The following ZNF469 variants were observed in gnomAD, a reference collection of about 807,000 sequenced individuals.
The protein encoded by ZNF469 is zinc finger protein 469.
Under a neutral mutation model 1.0 loss-of-function variants are expected in ZNF469, and 1 was observed. The ratio of observed to expected loss-of-function variants is 1.00; its 90% confidence interval spans 0.35 to 4.73. The LOEUF (loss-of-function observed/expected upper bound fraction) is 4.73. Among genes scored for constraint, ZNF469 ranks in the 30% most tolerant of loss-of-function variants. ZNF469 has a pLI of 0.16. For synonymous variants in ZNF469, 2,703 were observed against 2,363.4 expected (o/e 1.14, Z -4.17); for missense variants, 6,100 against 5,356.3 (o/e 1.14, Z -4.33).
At chr16:88,367,442 G>C in the ZNF469 span, among the ~76,000 whole-genome samples, 1 of 152,234 alleles carries the variant, frequency 6.6e-6, no homozygotes, top group Non-Finnish European at 1.5e-5. Flanking sequence ...CCCTGCCCCA[G>C]GATAGCTGAT....
chr16:88,206,509 T>C, the ZNF469 span, among the ~76,000 whole-genome samples: 32 of 152,228 alleles, frequency 2.1e-4, no homozygotes, highest in African/African-American at 7.2e-4. Flanking sequence ...TGTTACCAGA[T>C]CCACGGACCT....
At position 88,429,363 on chromosome 16, in the gene ZNF469, C is replaced by T. The variant is rs925903980; in HGVS notation, c.1893C>T (p.Pro631=). The T allele has an allele frequency of 5.8e-6, 9 of 1,549,702 alleles. No homozygotes were observed. The Admixed American group carries it at 1.8e-4, about 30-fold the overall frequency. The change falls in exon 3 of 3, where the codon CCC becomes CCT. Residue 631 remains proline (P), a synonymous_variant. Coordinates refer to ENST00000565624, the MANE Select transcript of ZNF469 (RefSeq NM_001367624.2). The part of the protein sequence containing the change: ...EESQLPGPLG[P]SAFFHPPTHP... ...GCCAGCTCCCCGGCCCCCTCGGGCC[C>T]TCGGCCTTCTTCCACCCACCCACTC...
the ZNF469 span, among the ~76,000 whole-genome samples, chr16:88,328,567 A>T: frequency 6.6e-6 from 1 of 152,192 alleles, no homozygotes; most frequent in Non-Finnish European, 1.5e-5. Context: ...CTGGCCTGAC[A>T]TGGATCTTTG....
chr16:88,435,036 G>C lies in ZNF469; in HGVS notation c.7566G>C (p.Lys2522Asn). The C allele has an allele frequency of 6.4e-7, 1 of 1,550,390 alleles. No individual in the cohort carries two copies. Among genetic ancestry groups the C allele is most frequent in the South Asian group, 1.2e-5 (1 of 84,064 alleles). The change falls in exon 3 of 3, where the codon AAG becomes AAC. Residue 2522 changes from lysine to asparagine, a missense_variant. Transcript: ENST00000565624. ...AGCCTCTAGAGCCCCTAGCCCAAAA[G>C]TGCCAGCCGCCCAGGAAGAAAAGCC... is the stretch of plus-strand genomic sequence containing the variant. Reference protein sequence around the residue: ...AQQPLEPLAQKCQPPRKKSHR... With the variant: ...AQQPLEPLAQNCQPPRKKSHR...
At chr16:88,287,545 G>A in the ZNF469 span, among the ~76,000 whole-genome samples, 5 of 152,202 alleles carry the variant, frequency 3.3e-5, no homozygotes, top group African/African-American at 1.2e-4. Flanking sequence ...ATCCCATGCT[G>A]GCAAAACTGT....
chr16:88,363,523 T>G, the ZNF469 span, among the ~76,000 whole-genome samples: 2 of 152,082 alleles, frequency 1.3e-5, no homozygotes, highest in Non-Finnish European at 2.9e-5. Context: ...CTTGGGGGAG[T>G]CAGCCAGATG....
the ZNF469 span, among the ~76,000 whole-genome samples, chr16:88,142,901 G>A: frequency 2.0e-5 from 3 of 152,182 alleles, no homozygotes; most frequent in African/African-American, 4.8e-5. Flanking sequence ...CACCCTCCAC[G>A]CACAGGGGCC....
At chr16:88,248,301 C>G in the ZNF469 span, among the ~76,000 whole-genome samples, 1 of 152,186 alleles carries the variant, frequency 6.6e-6, no homozygotes, top group South Asian at 2.1e-4. Context: ...CCTGATAGGA[C>G]CAAGCGTGAA....
At position 88,429,683 on chromosome 16, in the gene ZNF469, G is replaced by A. The variant is rs780848959; in HGVS notation, c.2213G>A (p.Arg738His). 1.3e-5 allele frequency: 20 copies of A among 1,541,806 alleles called. No individual in the cohort carries two copies. Among genetic ancestry groups the A allele is most frequent in the African/African-American group, 4.1e-5 (3 of 72,880 alleles). Reference sequence around the variant, plus strand: ...CTGCTGACCTGCAGGCAGTGTGACCGCAACTACAGCAGCCTGGCGGCCTTC... The same window carrying A: ...CTGCTGACCTGCAGGCAGTGTGACCACAACTACAGCAGCCTGGCGGCCTTC... ...DVLLTCRQCDRNYSSLAAFLA... is the reference protein window; with the variant it reads ...DVLLTCRQCDHNYSSLAAFLA... The change falls in exon 3 of 3, where the codon CGC (arginine) becomes CAC (histidine). Residue 738 changes from arginine (R) to histidine (H), a missense_variant. Arg to His is a conservative substitution (Grantham distance 29). Transcript: ENST00000565624.
At chr16:88,150,820 C>G in the ZNF469 span, among the ~76,000 whole-genome samples, 1 of 152,016 alleles carries the variant, frequency 6.6e-6, no homozygotes, top group Non-Finnish European at 1.5e-5. Flanking sequence ...ACTGGCCCGG[C>G]CGTAGAAGCG....
At chr16:88,207,836 A>G in the ZNF469 span, among the ~76,000 whole-genome samples, 1 of 151,326 alleles carries the variant, frequency 6.6e-6, no homozygotes, top group Non-Finnish European at 1.5e-5. Flanking sequence ...GGCGCCCTGG[A>G]TAAGCCACAT....
the ZNF469 span, among the ~76,000 whole-genome samples, chr16:88,219,307 C>G: frequency 6.9e-6 from 1 of 145,770 alleles, no homozygotes; most frequent in Admixed American, 6.9e-5. Context: ...GCCCGCATTG[C>G]CAAGTCAATC....
At chr16:88,251,451 G>C in the ZNF469 span, among the ~76,000 whole-genome samples, 3 of 144,952 alleles carry the variant, frequency 2.1e-5, no homozygotes, top group Admixed American at 7.1e-5. Flanking sequence ...GAAGATTGTT[G>C]CTTTTTTTGT....
At chr16:88,272,077 A>T in the ZNF469 span, among the ~76,000 whole-genome samples, 1 of 151,482 alleles carries the variant, frequency 6.6e-6, no homozygotes, top group East Asian at 1.9e-4. Flanking sequence ...ATGGATAGAT[A>T]AATGGGTGGA....
chr16:88,173,006 C>T, the ZNF469 span, among the ~76,000 whole-genome samples: 1 of 152,150 alleles, frequency 6.6e-6, no homozygotes, highest in African/African-American at 2.4e-5. Context: ...CTGTGTGTAA[C>T]TGGAGATCTA....
the ZNF469 span, among the ~76,000 whole-genome samples, chr16:88,172,013 T>C: frequency 6.3e-3 from 958 of 152,302 alleles, 7 homozygotes; most frequent in African/African-American, 0.019. Context: ...CTGTGATCCC[T>C]GCGAGAAAGG....
chr16:88,235,318 G>A, the ZNF469 span, among the ~76,000 whole-genome samples: 4 of 152,286 alleles, frequency 2.6e-5, no homozygotes, highest in South Asian at 6.2e-4. Flanking sequence ...ATTTCTTTGG[G>A]TTCAGCAGTA....
chr16:88,123,372 G>C, the ZNF469 span, among the ~76,000 whole-genome samples: 1 of 152,162 alleles, frequency 6.6e-6, no homozygotes, highest in Non-Finnish European at 1.5e-5. Flanking sequence ...CTTCATTTTT[G>C]GATATACTGC....
chr16:88,329,275 T>A, the ZNF469 span, among the ~76,000 whole-genome samples: 1 of 152,228 alleles, frequency 6.6e-6, no homozygotes, highest in African/African-American at 2.4e-5. Context: ...CTTCTTCATC[T>A]TCTGAGAACA....
Sources: allele counts gnomAD v4.1 joint callset (sites outside exome capture counted in the v4.1 genomes callset), GRCh38; gene constraint gnomAD v4.1.1; transcripts MANE v1.5; gene names NCBI Gene and HGNC (gene_info 2026-07-23, HGNC 2026-07-21).